The following RWDD1 variants were observed in gnomAD, a reference collection of about 807,000 sequenced individuals.
RWDD1 encodes RWD domain containing 1, also known as RWD domain-containing protein 1.
RWDD1 carries 17 observed loss-of-function variants against 31.6 expected under a neutral mutation model. That is an observed-to-expected ratio of 0.54 (90% CI 0.37 to 0.81). The LOEUF is 0.81. Ranked by LOEUF, RWDD1 falls within the 30% of genes least tolerant of loss-of-function variation. RWDD1 has a pLI of 0.00. For missense variants in RWDD1, 204 were observed against 274.5 expected (o/e 0.74, Z 1.82); for synonymous variants, 78 against 94.2 (o/e 0.83, Z 0.99).
chr6:116,591,078 T>C, intron 6 of RWDD1, 128 bp downstream of exon 6: 2 of 1,269,932 alleles, frequency 1.6e-6, no homozygotes, highest in Non-Finnish European at 2.1e-6. Flanking sequence ...CTGGGCAACA[T>C]AGTGAGACCC....
chr6:116,583,025 T>A (rs1450883276), intron 2 of RWDD1, among the ~76,000 whole-genome samples: 1 of 151,826 alleles, frequency 6.6e-6, no homozygotes, highest in Non-Finnish European at 1.5e-5. Flanking sequence ...TTGCCCAGGC[T>A]AGAGTTCCAT....
At chr6:116,591,086 C>A (rs1208711299) in intron 6 of RWDD1, 136 bp downstream of exon 6, 43 of 1,157,340 alleles carry the variant, frequency 3.7e-5, no homozygotes, top group Non-Finnish European at 4.6e-5. Context: ...CATAGTGAGA[C>A]CCTGACTCTA....
At chr6:116,579,146 G>A (rs186085264) in intron 1 of RWDD1, among the ~76,000 whole-genome samples, 1 of 152,242 alleles carries the variant, frequency 6.6e-6, no homozygotes, top group African/African-American at 2.4e-5. Flanking sequence ...AAAGTGCTGG[G>A]ACTACAGGCA....
At chr6:116,576,824 GT>G (rs1774855065) in intron 1 of RWDD1, among the ~76,000 whole-genome samples, 1 of 152,190 alleles carries the variant, frequency 6.6e-6, no homozygotes, top group Admixed American at 6.5e-5. Flanking sequence ...ATCAGAATAT[GT>G]TCAAAGGACA....
rs1477337309 is a variant in RWDD1 at position 116,595,237 on chromosome 6, TAAGAA to T, written c.*2137_*2141del. ...CCTCCCATCCACTTCATGTGATTTT[TAAGAA>T]TAAATTTTATATATTTCTCCAGGTA... On this transcript the variant is annotated 3_prime_UTR_variant, in exon 7 of 7. Transcript: ENST00000466444. 6.6e-6 allele frequency: 1 copy of T among 152,250 alleles called. No homozygotes were observed. Among genetic ancestry groups the T allele is most frequent in the Non-Finnish European group, 1.5e-5 (1 of 68,042 alleles). The allele number at this position is 152,250 out of a possible 1,614,324, so 9.4% of individuals were successfully genotyped here. A position where few individuals can be genotyped will look rare whatever the true frequency, so the allele number is the denominator to read the frequency against.
rs1222690197 is a variant in RWDD1 at position 116,593,364 on chromosome 6, C to T, written c.*263C>T. The T allele has an allele frequency of 7.7e-6, 2 of 258,996 alleles. No individual in the cohort carries two copies. Among genetic ancestry groups the T allele is most frequent in the Non-Finnish European group, 1.5e-5 (2 of 137,890 alleles). 16.0% of individuals were successfully genotyped at this position (258,996 alleles called of 1,614,324 possible). A position where few individuals can be genotyped will look rare whatever the true frequency, so the allele number is the denominator to read the frequency against. ...AGATCCTGCCTATAGCACCAAGACT[C>T]GAAGGTAGGCTGCTGCTGTGCACAT... On this transcript the variant is annotated 3_prime_UTR_variant, in exon 7 of 7. Coordinates refer to ENST00000466444, the MANE Select transcript of RWDD1 (RefSeq NM_015952.4).
In RWDD1 at chr6:116,593,266, A is replaced by T; in HGVS notation, c.*165A>T. The T allele has an allele frequency of 3.1e-6, 2 of 648,536 alleles. No homozygotes were observed. Among genetic ancestry groups the T allele is most frequent in the Non-Finnish European group, 4.8e-6 (2 of 420,650 alleles). 40.2% of individuals were successfully genotyped at this position (648,536 alleles called of 1,614,324 possible). ...CTTAATAAACTGACCTTAAAATTTC[A>T]AATATAAAATGTTCAAGGCTTCTTA... is the stretch of plus-strand genomic sequence containing the variant. On this transcript the variant is annotated 3_prime_UTR_variant, in exon 7 of 7. Coordinates refer to ENST00000466444, the MANE Select transcript of RWDD1 (RefSeq NM_015952.4).
chr6:116,577,085 A>G (rs1418419808), intron 1 of RWDD1, among the ~76,000 whole-genome samples: 5 of 152,226 alleles, frequency 3.3e-5, no homozygotes, highest in Admixed American at 6.5e-5. Flanking sequence ...TGAGTTACAC[A>G]TATTTTTTAG....
At chr6:116,584,891 C>T in intron 3 of RWDD1, 34 bp downstream of exon 3, 1 of 1,497,520 alleles carries the variant, frequency 6.7e-7, no homozygotes, top group Admixed American at 1.7e-5. Flanking sequence ...TTTGTAGCAG[C>T]ATTTATTGGC....
rs1006712126 is a variant in RWDD1 at position 116,573,948 on chromosome 6, C to T, written c.73+2293C>T. On this transcript the variant is annotated intron_variant, in intron 1 of 6. Transcript: ENST00000466444. Reference sequence around the variant, plus strand: ...ACCTAGGCACATAGATTTAGCCTAACCTCAGAATTAATTGCTTTGACTATT... The same window carrying T: ...ACCTAGGCACATAGATTTAGCCTAATCTCAGAATTAATTGCTTTGACTATT... 2.3e-5 allele frequency: 22 copies of T among 967,676 alleles called. No homozygotes were observed. The African/African-American group carries it at 3.2e-4, about 14-fold the overall frequency. 59.9% of individuals were successfully genotyped at this position (967,676 alleles called of 1,614,324 possible).
Position 116,580,303 on chromosome 6 carries a change from GA to G in RWDD1, c.86del (p.Asn29IlefsTer9). On this transcript the variant is annotated frameshift_variant, in exon 2 of 7. Transcript: ENST00000466444. LOFTEE classifies it high-confidence loss of function. The stretch of plus-strand genomic sequence containing the variant: ...TGTGTATTTTCTTGCAGTATTATCA[GA>G]AAATCCACCCAGCTTCACCATTACT... ...IYPDSFTVLS[E>X]NPPSFTITVT... 6.2e-7 allele frequency: 1 copy of G among 1,600,354 alleles called. No homozygotes were observed. Among genetic ancestry groups the G allele is most frequent in the Non-Finnish European group, 8.5e-7 (1 of 1,171,132 alleles).
chr6:116,585,932 T>C (rs187436000), intron 3 of RWDD1, among the ~76,000 whole-genome samples: 4 of 152,288 alleles, frequency 2.6e-5, no homozygotes, highest in Admixed American at 2.6e-4. Context: ...GTGCTGGGAT[T>C]ACAGGCATGA....
At chr6:116,572,163 G>GAA (rs11341558) in intron 1 of RWDD1, among the ~76,000 whole-genome samples, 2 of 148,544 alleles carry the variant, frequency 1.3e-5, no homozygotes, top group South Asian at 2.1e-4. Context: ...CTTTTCTTAT[G>GAA]AAAAAAAAAA....
chr6:116,583,338 G>A (rs1774980601), intron 2 of RWDD1, among the ~76,000 whole-genome samples: 1 of 152,086 alleles, frequency 6.6e-6, no homozygotes, highest in Non-Finnish European at 1.5e-5. Flanking sequence ...CTTCTTTAAT[G>A]CATTGATTGT....
intron 2 of RWDD1, among the ~76,000 whole-genome samples, chr6:116,582,846 C>T (rs1774970390): frequency 6.6e-6 from 1 of 151,456 alleles, no homozygotes; most frequent in Non-Finnish European, 1.5e-5. Flanking sequence ...ATTGTTTCTT[C>T]AGATCTTTAT....
At chr6:116,576,916 A>C (rs138629215) in intron 1 of RWDD1, among the ~76,000 whole-genome samples, 34 of 152,324 alleles carry the variant, frequency 2.2e-4, no homozygotes, top group African/African-American at 7.5e-4. Flanking sequence ...CAGGGACCAC[A>C]TCACAGAGGG....
chr6:116,586,613 A>G (rs902597550), intron 3 of RWDD1, among the ~76,000 whole-genome samples: 1 of 152,206 alleles, frequency 6.6e-6, no homozygotes, highest in Non-Finnish European at 1.5e-5. Context: ...ATTAGTATAT[A>G]ATTCTTTCAA....
At position 116,593,188 on chromosome 6, in the gene RWDD1, T is replaced by C. The variant is rs1437287617; in HGVS notation, c.*87T>C. 2 of 1,295,402 alleles carry C rather than the reference T, an allele frequency of 1.5e-6. No individual in the cohort carries two copies. The highest frequency in any genetic ancestry group is 5.1e-5 in the East Asian group (2 of 39,108). The allele number at this position is 1,295,402 out of a possible 1,614,324, so 80.2% of individuals were successfully genotyped here. On this transcript the variant is annotated 3_prime_UTR_variant, in exon 7 of 7. Coordinates refer to ENST00000466444, the MANE Select transcript of RWDD1 (RefSeq NM_015952.4). ...GTTATGATTTTCCTTTCTTTTTTTC[T>C]AAGAAAAAATTATTTTCAGGAGAAT...
chr6:116,586,983 C>G (rs1347130755), intron 3 of RWDD1, among the ~76,000 whole-genome samples: 1 of 152,114 alleles, frequency 6.6e-6, no homozygotes, highest in East Asian at 1.9e-4. Context: ...TTTAAAAATA[C>G]TAGTGATGTG....
Sources: allele counts gnomAD v4.1 joint callset (sites outside exome capture counted in the v4.1 genomes callset), GRCh38; gene constraint gnomAD v4.1.1; transcripts MANE v1.5; gene names NCBI Gene and HGNC (gene_info 2026-07-23, HGNC 2026-07-21).